Variants in RAB11FIP1 observed in about 807,000 individuals in gnomAD.
RAB11FIP1 encodes the protein RAB11 family interacting protein 1.
RAB11FIP1 carries 49 observed loss-of-function variants against 83.1 expected under a neutral mutation model. The ratio of observed to expected loss-of-function variants is 0.59; its 90% CI spans 0.47 to 0.75. The LOEUF is 0.75. Among genes scored for constraint, RAB11FIP1 ranks in the 30% least tolerant of loss-of-function variants. RAB11FIP1 has a pLI of 0.00. For missense variants in RAB11FIP1, 1,536 were observed against 1,598.7 expected, an observed-to-expected ratio of 0.96 and a Z score of 0.67; for synonymous variants, 670 against 656.0, an observed-to-expected ratio of 1.02 and a Z score of -0.33.
Position 37,861,771 on chromosome 8 carries a change from T to C in RAB11FIP1, c.*1124A>G, listed in dbSNP as rs112555767. 3,745 of 345,866 alleles carry C rather than the reference T, an allele frequency of 0.011. 143 individuals are homozygous for C. The highest frequency in any genetic ancestry group is 0.072 in the African/African-American group (3,288 of 45,712). 21.4% of individuals were successfully genotyped at this position (345,866 alleles called of 1,614,324 possible). ...GCCAAGCTAATTTTTGTATTTTTAG[T>C]AGAGATGGGGTTTCGCCATGTTGGT... On this transcript the variant is annotated 3_prime_UTR_variant, in exon 6 of 6. Transcript: ENST00000330843.
At chr8:37,893,076 C>CTTT (rs1167070715) in intron 1 of RAB11FIP1, among the ~76,000 whole-genome samples, 2 of 138,122 alleles carry the variant, frequency 1.4e-5, no homozygotes, top group African/African-American at 5.4e-5. Context: ...GTTCTTTTTT[C>CTTT]TTTTTTTTTT....
At position 37,875,019 on chromosome 8, in the gene RAB11FIP1, C is replaced by A. The variant is rs758288133; in HGVS notation, c.1118G>T (p.Gly373Val). The A allele has an allele frequency of 1.2e-6, 2 of 1,614,066 alleles. No individual in the cohort carries two copies. The highest frequency in any genetic ancestry group is 2.2e-5 in the South Asian group (2 of 91,080). The change falls in exon 3 of 6, where the codon GGT becomes GTT. Residue 373 changes from glycine to valine, a missense_variant. Coordinates refer to ENST00000330843, the MANE Select transcript of RAB11FIP1 (RefSeq NM_001002814.3). ...GAGCTGCCTGTCAGAAGACAGCCCA[C>A]CTCCTTCAGCAGGCTCCTTCCAAGA... ...AGSWKEPAEG[G>V]GLSSDRQLSE...
At position 37,873,228 on chromosome 8, in the gene RAB11FIP1, G is replaced by A. The variant is rs146916906; in HGVS notation, c.1623-49C>T. ...CTGCAGGTCAGTGCAGATGCATCAC[G>A]AGAGACAAAGAAAATACACAAAAAC... On this transcript the variant is annotated intron_variant, in intron 3 of 5. Coordinates refer to ENST00000330843, the MANE Select transcript of RAB11FIP1 (RefSeq NM_001002814.3). 13,039 of 1,501,776 alleles carry A rather than the reference G, an allele frequency of 8.7e-3. 66 individuals are homozygous for A. The highest frequency in any genetic ancestry group is 0.011 in the Non-Finnish European group (12,117 of 1,133,346). The allele number at this position is 1,501,776 out of a possible 1,614,324, so 93.0% of individuals were successfully genotyped here. A position where few individuals can be genotyped will look rare whatever the true frequency, so the allele number is the denominator to read the frequency against.
intron 1 of RAB11FIP1, among the ~76,000 whole-genome samples, chr8:37,889,940 T>C (rs993063982): frequency 6.6e-6 from 1 of 152,144 alleles, no homozygotes; most frequent in Non-Finnish European, 1.5e-5. Context: ...CCCGCCACCA[T>C]ACCTGGCTAA....
Position 37,871,654 on chromosome 8 carries a change from C to T in RAB11FIP1, c.3148G>A (p.Gly1050Arg), listed in dbSNP as rs146588396. 1.2e-4 allele frequency: 190 copies of T among 1,612,046 alleles called. No individual in the cohort carries two copies. Among genetic ancestry groups the T allele is most frequent in the Non-Finnish European group, 1.5e-4 (182 of 1,178,606 alleles). ...TAPSEQTTEF[G>R]IHKPHLGKSS... ...TTGCCAAGATGTGGTTTGTGAATTC[C>T]GAACTCTGTGGTCTGCTCTGAAGGA... is the stretch of plus-strand genomic sequence containing the variant. The change falls in exon 4 of 6, where the codon GGA becomes AGA. Residue 1050 changes from glycine (G) to arginine (R), a missense_variant. Coordinates refer to ENST00000330843, the MANE Select transcript of RAB11FIP1 (RefSeq NM_001002814.3).
rs568352985 is a variant in RAB11FIP1 at position 37,870,947 on chromosome 8, G to A, written c.3524+331C>T. The A allele has an allele frequency of 3.5e-4, 107 of 308,758 alleles. 1 individual carries two copies. The highest frequency in any genetic ancestry group is 2.3e-3 in the African/African-American group (107 of 46,228). 19.1% of individuals were successfully genotyped at this position (308,758 alleles called of 1,614,324 possible). ...TTGGGGAGTGCTTGAAGAAGTTTTT[G>A]ACACTGCTAGATACTACTACCACTC... On this transcript the variant is annotated intron_variant, in intron 4 of 5. Coordinates refer to ENST00000330843, the MANE Select transcript of RAB11FIP1 (RefSeq NM_001002814.3).
chr8:37,880,800 G>T (rs1563371878), intron 1 of RAB11FIP1, among the ~76,000 whole-genome samples: 1 of 151,252 alleles, frequency 6.6e-6, no homozygotes, highest in Admixed American at 6.6e-5. Context: ...AGCCCAGTTT[G>T]TAGCAAGACC....
rs1288777601 is a variant in RAB11FIP1 at position 37,874,769 on chromosome 8, G to A, written c.1368C>T (p.Leu456=). ...CTTCCTTCTCCCTCCCTGGGACCGT[G>A]AGAGGGTTTTCACCTTCACTGCCCT... ...VAKGSEGENP[L]TVPGREKEGM... Residue 456 remains leucine (L), a synonymous_variant, in exon 3 of 6, where the codon CTC becomes CTT. Transcript: ENST00000330843. 4 of 1,614,074 alleles carry A rather than the reference G, an allele frequency of 2.5e-6. No homozygotes were observed. The highest frequency in any genetic ancestry group is 3.4e-6 in the Non-Finnish European group (4 of 1,180,038).
Position 37,871,925 on chromosome 8 carries a change from A to G in RAB11FIP1, c.2877T>C (p.Leu959=), listed in dbSNP as rs372818293. ...CCGATGCGACTTCAGGAATGGAAGG[A>G]AGGCTTAAGTTCAGATCGGCCATGA... ...SPIMADLNLS[L]PSIPEVASDD... is the part of the protein sequence containing the mutation. Residue 959 remains leucine (L), a synonymous_variant, in exon 4 of 6, where the codon CTT becomes CTC. Transcript: ENST00000330843. The G allele has an allele frequency of 1.0e-4, 166 of 1,614,110 alleles. No individual in the cohort carries two copies. The highest frequency in any genetic ancestry group is 1.3e-4 in the Non-Finnish European group (156 of 1,180,042).
chr8:37,893,795 A>T (rs1026401902), intron 1 of RAB11FIP1, among the ~76,000 whole-genome samples: 26 of 152,082 alleles, frequency 1.7e-4, no homozygotes, highest in African/African-American at 5.6e-4. Context: ...CTCCAAAAAA[A>T]AAGGATAAAC....
At chr8:37,887,493 G>A (rs1275002689) in intron 1 of RAB11FIP1, among the ~76,000 whole-genome samples, 1 of 150,490 alleles carries the variant, frequency 6.6e-6, no homozygotes, top group Non-Finnish European at 1.5e-5. Context: ...ATCGCGCCAC[G>A]GCACTCCAGC....
rs191332389 is a variant in RAB11FIP1 at position 37,884,804 on chromosome 8, C to T, written c.372-7253G>A. On this transcript the variant is annotated intron_variant, in intron 1 of 5. Transcript: ENST00000330843. ...CCTCAAGTGATCTGCCTGCCTTAGC[C>T]TCCCAAAGTGCCAGGATTACAGGTG... Among the ~76,000 whole-genome samples, 51 of 152,098 alleles carry T rather than the reference C, an allele frequency of 3.4e-4. 1 individual carries two copies. In the East Asian group the frequency reaches 7.8e-3, roughly 23 times the overall value.
At chr8:37,865,466 C>A (rs1057079020) in intron 5 of RAB11FIP1, among the ~76,000 whole-genome samples, 1 of 151,796 alleles carries the variant, frequency 6.6e-6, no homozygotes, top group Non-Finnish European at 1.5e-5. Flanking sequence ...ATTACAGGCA[C>A]CTGCCACCAC....
chr8:37,895,626 C>T (rs1367364905), intron 1 of RAB11FIP1, among the ~76,000 whole-genome samples: 1 of 151,774 alleles, frequency 6.6e-6, no homozygotes, highest in Non-Finnish European at 1.5e-5. Flanking sequence ...TCAATTTTTC[C>T]TAATGGGCCA....
intron 1 of RAB11FIP1, among the ~76,000 whole-genome samples, chr8:37,886,085 C>T (rs1437451833): frequency 6.6e-6 from 1 of 152,192 alleles, no homozygotes; most frequent in Non-Finnish European, 1.5e-5. Context: ...AGAGAGCAGA[C>T]ATATGCAGAG....
chr8:37,865,688 T>A (rs531249603), intron 5 of RAB11FIP1, among the ~76,000 whole-genome samples: 29 of 152,364 alleles, frequency 1.9e-4, no homozygotes, highest in African/African-American at 6.3e-4. Flanking sequence ...TACAGCTTTT[T>A]ACTATTTAAT....
At chr8:37,874,059 CA>C (rs1806547582) in intron 3 of RAB11FIP1, among the ~76,000 whole-genome samples, 1 of 152,258 alleles carries the variant, frequency 6.6e-6, no homozygotes, top group Admixed American at 6.5e-5. Context: ...AAAGAACCGT[CA>C]CTGTCACTTG....
chr8:37,870,934 T>C (rs1390835946), intron 4 of RAB11FIP1: 3 of 297,056 alleles, frequency 1.0e-5, no homozygotes, highest in Admixed American at 4.8e-5. Flanking sequence ...GGGGAGTGCT[T>C]GAAGAAGTTT....
At chr8:37,892,476 C>T (rs923402557) in intron 1 of RAB11FIP1, among the ~76,000 whole-genome samples, 3 of 144,168 alleles carry the variant, frequency 2.1e-5, no homozygotes, top group African/African-American at 5.1e-5. Context: ...TATTTTGAGA[C>T]GGAGTTTTGC....
Sources: allele counts gnomAD v4.1 joint callset (sites outside exome capture counted in the v4.1 genomes callset), GRCh38; gene constraint gnomAD v4.1.1; transcripts MANE v1.5; gene names NCBI Gene and HGNC (gene_info 2026-07-23, HGNC 2026-07-21).